Variants in NPAS3 observed in about 807,000 individuals in gnomAD.
NPAS3 encodes the protein neuronal PAS domain protein 3.
Under a neutral mutation model 73.1 loss-of-function variants are expected in NPAS3, and 14 were observed. That is an observed-to-expected ratio of 0.19 (90% confidence interval 0.13 to 0.30). The LOEUF is 0.30. Among genes scored for constraint, NPAS3 ranks in the 10% least tolerant of loss-of-function variants. NPAS3 has a pLI of 1.00. For synonymous variants in NPAS3, 620 were observed against 541.5 expected, an observed-to-expected ratio of 1.14 and a Z score of -2.01; for missense variants, 1,096 against 1,250.0, an observed-to-expected ratio of 0.88 and a Z score of 1.86.
At chr14:33,526,623 A>G (rs146850364) in intron 4 of NPAS3, among the ~76,000 whole-genome samples, 2,185 of 151,702 alleles carry the variant, frequency 0.014, 38 homozygotes, top group African/African-American at 0.046. Context: ...CAACGAGATC[A>G]GGGGAAAAAA....
intron 4 of NPAS3, among the ~76,000 whole-genome samples, chr14:33,519,921 T>A (rs1851732781): frequency 6.6e-6 from 1 of 152,062 alleles, no homozygotes; most frequent in Admixed American, 6.5e-5. Context: ...AGATCCCATC[T>A]CAGAATCTCA....
chr14:33,482,855 T>G (rs2051397343), intron 4 of NPAS3, among the ~76,000 whole-genome samples: 1 of 152,228 alleles, frequency 6.6e-6, no homozygotes. Flanking sequence ...TTTCTCTTTC[T>G]TTCTCAGTTG....
intron 6 of NPAS3, among the ~76,000 whole-genome samples, chr14:33,720,040 A>T (rs748499111): frequency 1.5e-4 from 23 of 152,216 alleles, no homozygotes; most frequent in Non-Finnish European, 3.4e-4. Context: ...ATTGCCAAAT[A>T]TAAGTTCCAA....
intron 4 of NPAS3, among the ~76,000 whole-genome samples, chr14:33,523,262 G>A (rs534787543): frequency 9.9e-5 from 15 of 152,146 alleles, no homozygotes; most frequent in Admixed American, 3.3e-4. Context: ...TGGTTTGATA[G>A]AAAGAGAAAA....
intron 5 of NPAS3, among the ~76,000 whole-genome samples, chr14:33,621,313 A>G (rs1595295726): frequency 6.6e-6 from 1 of 152,324 alleles, no homozygotes; most frequent in East Asian, 1.9e-4. Context: ...TTGAACATCT[A>G]AACTGTCAAA....
At chr14:33,147,269 G>A (rs7144695) in intron 2 of NPAS3, among the ~76,000 whole-genome samples, 145,131 of 152,224 alleles carry the variant, frequency 0.95, 69,224 homozygotes, top group South Asian at 0.97. Flanking sequence ...CTGATTGGAA[G>A]TTAAGGCTTT....
chr14:33,694,178 AC>A (rs145557115), intron 6 of NPAS3, among the ~76,000 whole-genome samples: 4,587 of 152,036 alleles, frequency 0.03, 236 homozygotes, highest in African/African-American at 0.1. Context: ...GCCATCTGCA[AC>A]CCCCTCGCCC....
intron 2 of NPAS3, among the ~76,000 whole-genome samples, chr14:33,151,188 C>T (rs1241350390): frequency 2.6e-5 from 4 of 152,190 alleles, no homozygotes; most frequent in African/African-American, 9.7e-5. Context: ...TGGAGCATAT[C>T]CTTGCAGAAA....
chr14:33,685,187 C>CCAT (rs2060055452), intron 6 of NPAS3, among the ~76,000 whole-genome samples: 1 of 152,070 alleles, frequency 6.6e-6, no homozygotes, highest in African/African-American at 2.4e-5. Flanking sequence ...CAGGAGCTGA[C>CCAT]CATCACATGA....
At chr14:33,093,525 T>G (rs1452348730) in intron 2 of NPAS3, among the ~76,000 whole-genome samples, 1 of 152,206 alleles carries the variant, frequency 6.6e-6, no homozygotes, top group South Asian at 2.1e-4. Context: ...TTGGTGGGAA[T>G]GTAAACTAGT....
At chr14:33,585,199 G>A (rs2056819710) in intron 5 of NPAS3, among the ~76,000 whole-genome samples, 1 of 151,998 alleles carries the variant, frequency 6.6e-6, no homozygotes, top group Non-Finnish European at 1.5e-5. Context: ...TAGGTGAAGT[G>A]GTGAGAGTCC....
chr14:33,192,518 A>G (rs1332469389), intron 2 of NPAS3, among the ~76,000 whole-genome samples: 2 of 152,154 alleles, frequency 1.3e-5, no homozygotes, highest in African/African-American at 4.8e-5. Flanking sequence ...TTGGCTGAAC[A>G]CCAGCTTGGC....
At chr14:33,601,877 A>G (rs1283480915) in intron 5 of NPAS3, among the ~76,000 whole-genome samples, 1 of 152,170 alleles carries the variant, frequency 6.6e-6, no homozygotes, top group East Asian at 1.9e-4. Flanking sequence ...TAGGGTTTGG[A>G]TTTGCCTTCC....
At chr14:33,674,612 C>T (rs2059705243) in intron 5 of NPAS3, among the ~76,000 whole-genome samples, 2 of 152,170 alleles carry the variant, frequency 1.3e-5, no homozygotes, top group Admixed American at 1.3e-4. Flanking sequence ...CCGATTTACG[C>T]TCTGTAGCAA....
intron 3 of NPAS3, among the ~76,000 whole-genome samples, chr14:33,328,446 CTTTTTTTTTTTTTTTTTTTTTTT>C (rs58411120): frequency 6.1e-5 from 3 of 49,584 alleles, no homozygotes; most frequent in Admixed American, 2.4e-4. Flanking sequence ...CTTTTCTTTT[CTTTTTTTTTTTTTTTTTTTTTTT>C]TTTTTTTTTT....
chr14:33,446,688 C>T (rs2049524359), intron 4 of NPAS3, among the ~76,000 whole-genome samples: 1 of 152,074 alleles, frequency 6.6e-6, no homozygotes, highest in African/African-American at 2.4e-5. Context: ...CTGCGTAATT[C>T]TATTCTATTG....
At chr14:33,782,651 G>A (rs1047188264) in intron 9 of NPAS3, among the ~76,000 whole-genome samples, 4 of 152,058 alleles carry the variant, frequency 2.6e-5, no homozygotes, top group African/African-American at 9.7e-5. Flanking sequence ...CAGAGAAAAG[G>A]AGCCAGAGAC....
chr14:33,229,477 G>A (rs187278997), intron 3 of NPAS3, among the ~76,000 whole-genome samples: 62 of 152,294 alleles, frequency 4.1e-4, no homozygotes, highest in Admixed American at 1.2e-3. Flanking sequence ...TCAGAGTCAC[G>A]TGCTCACCTT....
chr14:33,413,474 T>C (rs1019173158), intron 4 of NPAS3, among the ~76,000 whole-genome samples: 3 of 152,130 alleles, frequency 2.0e-5, no homozygotes, highest in East Asian at 3.9e-4. Flanking sequence ...GAGATAGATA[T>C]TGATTTTCCT....
Sources: gnomAD v4.1 joint callset for allele counts (sites outside exome capture counted in the v4.1 genomes callset) on GRCh38, gnomAD v4.1.1 for gene constraint, MANE v1.5 for transcripts, NCBI Gene and HGNC (gene_info 2026-07-23, HGNC 2026-07-21) for gene names.